SHC3: variants seen among roughly 807,000 people sequenced by gnomAD.
SHC3 encodes SHC adaptor protein 3.
Under a neutral mutation model 60.4 loss-of-function variants are expected in SHC3, and 15 were observed. The ratio of observed to expected loss-of-function variants is 0.25; its 90% CI spans 0.17 to 0.38. SHC3 has a LOEUF of 0.38. SHC3 is among the 10% of genes least tolerant of loss of function. SHC3 has a pLI of 1.00. For missense variants in SHC3, 677 were observed against 786.1 expected (o/e 0.86, Z 1.66); for synonymous variants, 294 against 325.9 (o/e 0.90, Z 1.05).
At chr9:89,078,045 C>A in intron 2 of SHC3, 142 bp from the exon 3 acceptor site, 1 of 900,574 alleles carries the variant, frequency 1.1e-6, no homozygotes, top group South Asian at 1.6e-5. Flanking sequence ...GGGAGTCATC[C>A]GATTCTTCTT....
At chr9:89,097,611 T>C (rs1374915947) in intron 2 of SHC3, among the ~76,000 whole-genome samples, 2 of 152,212 alleles carry the variant, frequency 1.3e-5, no homozygotes, top group Non-Finnish European at 2.9e-5. Flanking sequence ...TCATTTTTAG[T>C]CATTCCCCTG....
intron 1 of SHC3, among the ~76,000 whole-genome samples, chr9:89,174,935 T>C (rs888422093): frequency 1.3e-5 from 2 of 152,214 alleles, no homozygotes; most frequent in African/African-American, 4.8e-5. Flanking sequence ...GATATTGCCT[T>C]TTGAACCTGC....
chr9:89,039,215 G>A (rs1167887144), intron 10 of SHC3, among the ~76,000 whole-genome samples: 5 of 152,172 alleles, frequency 3.3e-5, no homozygotes, highest in Non-Finnish European at 5.9e-5. Context: ...GTTCTTTCCT[G>A]AGCATAACTA....
chr9:89,174,718 G>A (rs868173568), intron 1 of SHC3, among the ~76,000 whole-genome samples: 1 of 152,220 alleles, frequency 6.6e-6, no homozygotes. Context: ...AGGCAAACCC[G>A]GTGCAGCCCA....
chr9:89,126,957 C>A (rs1826173881), intron 1 of SHC3, among the ~76,000 whole-genome samples: 1 of 152,160 alleles, frequency 6.6e-6, no homozygotes, highest in Admixed American at 6.6e-5. Context: ...TTCTCTTAGT[C>A]TCTGCCATCC....
At chr9:89,139,107 T>A (rs949454218) in intron 1 of SHC3, among the ~76,000 whole-genome samples, 1 of 152,202 alleles carries the variant, frequency 6.6e-6, no homozygotes, top group Non-Finnish European at 1.5e-5. Flanking sequence ...TGATATGGGA[T>A]TGTTAGCTGA....
chr9:89,005,936 A>C lies in SHC3; in HGVS notation c.*7511T>G, dbSNP rs1825932908. The C allele has an allele frequency of 1.3e-5, 2 of 152,230 alleles. No homozygotes were observed. Among genetic ancestry groups the C allele is most frequent in the Non-Finnish European group, 1.5e-5 (1 of 68,040 alleles). 9.4% of individuals were successfully genotyped at this position (152,230 alleles called of 1,614,324 possible). A position where few individuals can be genotyped will look rare whatever the true frequency, so the allele number is the denominator to read the frequency against. On this transcript the variant is annotated 3_prime_UTR_variant, in exon 12 of 12. Coordinates refer to ENST00000375835, the MANE Select transcript of SHC3 (RefSeq NM_016848.6). ...AAGGTGCATTTTATAGAAAACATCT[A>C]ATTAAATCACCAGTTTCATGCTTTT...
intron 1 of SHC3, among the ~76,000 whole-genome samples, chr9:89,148,857 C>T (rs956150579): frequency 2.0e-5 from 3 of 152,194 alleles, no homozygotes; most frequent in Non-Finnish European, 2.9e-5. Context: ...GAAAGGCATA[C>T]GTCACTTTCC....
At chr9:89,122,035 T>C (rs905065242) in intron 1 of SHC3, among the ~76,000 whole-genome samples, 1 of 152,228 alleles carries the variant, frequency 6.6e-6, no homozygotes, top group Non-Finnish European at 1.5e-5. Flanking sequence ...ATTTTCTCCA[T>C]GGTGATGCTC....
chr9:89,115,781 A>G (rs1375452770), intron 1 of SHC3, among the ~76,000 whole-genome samples: 1 of 152,188 alleles, frequency 6.6e-6, no homozygotes, highest in Non-Finnish European at 1.5e-5. Context: ...GAGTTATATG[A>G]CCACCAGCAA....
At chr9:89,112,376 T>C (rs1825961595) in intron 2 of SHC3, among the ~76,000 whole-genome samples, 180 bp downstream of exon 2, 1 of 152,166 alleles carries the variant, frequency 6.6e-6, no homozygotes, top group East Asian at 1.9e-4. Context: ...TTGAGAGATA[T>C]ACATCACAAA....
intron 11 of SHC3, among the ~76,000 whole-genome samples, chr9:89,033,729 A>G (rs1370662808): frequency 1.3e-5 from 2 of 152,232 alleles, no homozygotes; most frequent in Non-Finnish European, 2.9e-5. Context: ...TAATGAAGAA[A>G]TTAACAAAGA....
chr9:89,105,662 G>A (rs182676053), intron 2 of SHC3, among the ~76,000 whole-genome samples: 183 of 152,294 alleles, frequency 1.2e-3, no homozygotes, highest in Non-Finnish European at 2.2e-3. Flanking sequence ...TTGAATGTAT[G>A]AATGACACCT....
At chr9:89,043,731 C>T (rs1053981386) in intron 9 of SHC3, among the ~76,000 whole-genome samples, 1 of 151,818 alleles carries the variant, frequency 6.6e-6, no homozygotes, top group Admixed American at 6.6e-5. Flanking sequence ...CGGCTCACTG[C>T]AACCTCCACC....
chr9:89,110,063 A>G (rs1825923778), intron 2 of SHC3: 1 of 985,304 alleles, frequency 1.0e-6, no homozygotes, highest in East Asian at 1.1e-4. Context: ...CAGCCAATAC[A>G]CTGAAAAAGA....
At chr9:89,107,783 G>A (rs557602315) in intron 2 of SHC3, among the ~76,000 whole-genome samples, 64 of 152,268 alleles carry the variant, frequency 4.2e-4, no homozygotes, top group Admixed American at 3.7e-3. Flanking sequence ...TTCTAATTCC[G>A]AAATTCAACC....
At chr9:89,109,686 A>AC in intron 2 of SHC3, 1 of 985,268 alleles carries the variant, frequency 1.0e-6, no homozygotes, top group Middle Eastern at 5.2e-4. Flanking sequence ...TGAGGAGACC[A>AC]CCCCCATGCA....
chr9:89,092,132 A>G (rs531525388), intron 2 of SHC3, among the ~76,000 whole-genome samples: 5 of 152,202 alleles, frequency 3.3e-5, no homozygotes, highest in Non-Finnish European at 5.9e-5. Context: ...AGAAAGGGCC[A>G]CTTTCCTAAA....
chr9:89,056,387 C>G (rs995766613), intron 6 of SHC3, among the ~76,000 whole-genome samples: 1 of 152,136 alleles, frequency 6.6e-6, no homozygotes, highest in African/African-American at 2.4e-5. Context: ...GGTGGGATTA[C>G]GGGCACCCAC....
Sources: gnomAD v4.1 joint callset for allele counts (sites outside exome capture counted in the v4.1 genomes callset) on GRCh38, gnomAD v4.1.1 for gene constraint, MANE v1.5 for transcripts, NCBI Gene and HGNC (gene_info 2026-07-23, HGNC 2026-07-21) for gene names.